NHSL1: variants seen among roughly 807,000 people sequenced by gnomAD.
The protein encoded by NHSL1 is NHS like 1, also known as NHS-like protein 1.
A neutral mutation model predicts 95.0 loss-of-function variants in NHSL1; 48 were observed. The ratio of observed to expected loss-of-function variants is 0.51; its 90% CI spans 0.40 to 0.64. NHSL1 has a LOEUF of 0.64. NHSL1 is among the 30% of genes least tolerant of loss of function. The pLI, the probability that NHSL1 is intolerant of heterozygous loss-of-function variation, is 0.00. For synonymous variants in NHSL1, 783 were observed against 833.9 expected (o/e 0.94, Z 1.05); for missense variants, 1,971 against 2,077.7 (o/e 0.95, Z 1.00).
At chr6:138,428,906 T>C (rs1328352348) in intron 7 of NHSL1, among the ~76,000 whole-genome samples, 1 of 152,114 alleles carries the variant, frequency 6.6e-6, no homozygotes, top group African/African-American at 2.4e-5. Context: ...AAGCAAAAGG[T>C]TTATACAGCA....
rs145587228 is a variant in NHSL1, at chr6:138,517,141, T to C, written c.17-20770A>G. On this transcript the variant is annotated intron_variant, in intron 1 of 4. Transcript: ENST00000342260. ...TGGCTGTATCATAACACTTTCTGCC[T>C]CTCTTAAGTGTGTTACCTAGTCCAA... 1.2e-4 allele frequency among the ~76,000 whole-genome samples: 18 copies of C among 152,310 alleles called. 1 individual carries two copies. Among genetic ancestry groups the C allele is most frequent in the African/African-American group, 4.1e-4 (17 of 41,566 alleles).
chr6:138,547,174 G>A (rs1782832498), upstream of NHSL1, among the ~76,000 whole-genome samples: 1 of 152,144 alleles, frequency 6.6e-6, no homozygotes, highest in Non-Finnish European at 1.5e-5. Context: ...AACATACGGT[G>A]CAGCATATCC....
At chr6:138,674,446 T>G (rs1785421318) in intron 1 of NHSL1, among the ~76,000 whole-genome samples, 1 of 152,166 alleles carries the variant, frequency 6.6e-6, no homozygotes, top group Non-Finnish European at 1.5e-5. Flanking sequence ...ATGCATTAGC[T>G]GTTTTTCCTA....
chr6:138,669,810 C>G (rs9495197), intron 1 of NHSL1, among the ~76,000 whole-genome samples: 4,741 of 152,202 alleles, frequency 0.031, 195 homozygotes, highest in African/African-American at 0.092. Flanking sequence ...ACTGAGCAGC[C>G]TAAGATGACC....
intron 1 of NHSL1, among the ~76,000 whole-genome samples, chr6:138,579,600 A>T (rs1278957022): frequency 6.6e-6 from 1 of 152,216 alleles, no homozygotes; most frequent in African/African-American, 2.4e-5. Context: ...GAATCCAATG[A>T]TCCAGACCAG....
At chr6:138,449,393 T>A (rs1777082890) in intron 3 of NHSL1, among the ~76,000 whole-genome samples, 1 of 152,154 alleles carries the variant, frequency 6.6e-6, no homozygotes, top group Non-Finnish European at 1.5e-5. Flanking sequence ...ATCATGGATA[T>A]GGGCCAGGCG....
intron 1 of NHSL1, among the ~76,000 whole-genome samples, chr6:138,532,629 C>G (rs1782183006): frequency 6.6e-6 from 1 of 152,070 alleles, no homozygotes. Context: ...ACAAAATCAC[C>G]CCATCAAGCA....
intron 2 of NHSL1, among the ~76,000 whole-genome samples, chr6:138,495,079 C>T (rs1780271961): frequency 1.3e-5 from 2 of 152,102 alleles, no homozygotes; most frequent in African/African-American, 2.4e-5. Flanking sequence ...CCCATCTCTA[C>T]TAAAAATACA....
chr6:138,555,055 C>T (rs1241050248), intron 1 of NHSL1, among the ~76,000 whole-genome samples: 2 of 152,076 alleles, frequency 1.3e-5, no homozygotes, highest in Non-Finnish European at 2.9e-5. Flanking sequence ...ATCGGCAGAC[C>T]ATCTTCAGGG....
intron 1 of NHSL1, among the ~76,000 whole-genome samples, chr6:138,591,956 C>T (rs1187283404): frequency 1.3e-5 from 2 of 152,102 alleles, no homozygotes; most frequent in African/African-American, 2.4e-5. Context: ...AGGCATCCAC[C>T]GAGGGTTTTG....
At chr6:138,677,779 T>C (rs779983186) in intron 1 of NHSL1, among the ~76,000 whole-genome samples, 2 of 152,190 alleles carry the variant, frequency 1.3e-5, no homozygotes, top group South Asian at 2.1e-4. Flanking sequence ...TAGAATCACC[T>C]GGAGGACTCT....
At chr6:138,429,868 A>G in intron 6 of NHSL1, 25 bp from the exon 7 acceptor site, 2 of 1,539,540 alleles carry the variant, frequency 1.3e-6, no homozygotes, top group South Asian at 1.2e-5. Context: ...GCAGGCATAC[A>G]AGACGCACAA....
intron 1 of NHSL1, among the ~76,000 whole-genome samples, chr6:138,643,828 T>C (rs550859976): frequency 1.4e-4 from 22 of 151,906 alleles, no homozygotes; most frequent in Admixed American, 1.2e-3. Flanking sequence ...GTGAAACCCA[T>C]CTCTACTAAA....
chr6:138,452,221 C>T (rs1777283153), intron 3 of NHSL1, among the ~76,000 whole-genome samples: 1 of 152,118 alleles, frequency 6.6e-6, no homozygotes, highest in South Asian at 2.1e-4. Context: ...GGGAGAGAAA[C>T]AGGCAACACT....
chr6:138,425,245 C>T (rs1401830086), intron 7 of NHSL1, among the ~76,000 whole-genome samples: 3 of 152,276 alleles, frequency 2.0e-5, no homozygotes, highest in Middle Eastern at 6.8e-3. Context: ...GCACCTGCCA[C>T]CATGCCCAGC....
intron 1 of NHSL1, among the ~76,000 whole-genome samples, chr6:138,649,256 C>A (rs1054273566): frequency 6.6e-6 from 1 of 152,016 alleles, no homozygotes; most frequent in Non-Finnish European, 1.5e-5. Context: ...TCTAGTCAGT[C>A]GTCTCTCACT....
intron 1 of NHSL1, among the ~76,000 whole-genome samples, chr6:138,515,890 C>G (rs1781439398): frequency 1.3e-5 from 2 of 152,198 alleles, no homozygotes; most frequent in South Asian, 4.1e-4. Flanking sequence ...AGTGAATCGT[C>G]TGGAGTTGGG....
intron 4 of NHSL1, among the ~76,000 whole-genome samples, chr6:138,445,272 T>C (rs1188458877): frequency 1.3e-5 from 2 of 152,206 alleles, no homozygotes; most frequent in African/African-American, 2.4e-5. Context: ...AGGCACTTAA[T>C]TATATATAAT....
chr6:138,558,421 CTT>C (rs78914887), intron 1 of NHSL1, among the ~76,000 whole-genome samples: 7 of 121,918 alleles, frequency 5.7e-5, no homozygotes, highest in Non-Finnish European at 3.5e-5. Flanking sequence ...TGTGCCCACC[CTT>C]TTTTTTTTTT....
Sources: allele counts gnomAD v4.1 joint callset (sites outside exome capture counted in the v4.1 genomes callset), GRCh38; gene constraint gnomAD v4.1.1; transcripts MANE v1.5; gene names NCBI Gene and HGNC (gene_info 2026-07-23, HGNC 2026-07-21).